USH2A: variants seen among roughly 807,000 people sequenced by gnomAD.
USH2A encodes usherin.
In USH2A, 443 loss-of-function variants were observed where a neutral mutation model predicts 538.9. That is an observed-to-expected ratio of 0.82 (90% CI 0.76 to 0.89). The LOEUF (loss-of-function observed/expected upper bound fraction) is 0.89, where lower values mean the gene tolerates loss of function less well. Among genes scored for constraint, USH2A ranks in the 40% least tolerant of loss-of-function variants. The pLI is 0.00. For missense variants in USH2A, 6,633 were observed against 6,324.8 expected (o/e 1.05, Z -1.65); for synonymous variants, 2,413 against 2,273.5 (o/e 1.06, Z -1.75).
At chr1:215,764,902 T>C (rs72740660) in intron 56 of USH2A, among the ~76,000 whole-genome samples, 4,401 of 152,070 alleles carry the variant, frequency 0.029, 102 homozygotes, top group Non-Finnish European at 0.046. Context: ...TCCATGTTTC[T>C]TCTGCAGAGG....
chr1:216,030,334 T>A (rs960585931), intron 32 of USH2A, among the ~76,000 whole-genome samples: 4 of 136,620 alleles, frequency 2.9e-5, no homozygotes, highest in South Asian at 2.3e-4. Context: ...ATAATATATA[T>A]GATATATAGA....
At chr1:215,763,841 G>C (rs1461475526) in intron 56 of USH2A, among the ~76,000 whole-genome samples, 1 of 151,892 alleles carries the variant, frequency 6.6e-6, no homozygotes, top group Non-Finnish European at 1.5e-5. Flanking sequence ...GTGTTAAAAG[G>C]GACGGGAAAG....
At chr1:216,144,645 G>A (rs1192198157) in intron 21 of USH2A, among the ~76,000 whole-genome samples, 1 of 152,076 alleles carries the variant, frequency 6.6e-6, no homozygotes, top group Non-Finnish European at 1.5e-5. Flanking sequence ...AAATCTAACT[G>A]CCTATATTCA....
At chr1:216,215,199 C>T (rs958480849) in intron 15 of USH2A, among the ~76,000 whole-genome samples, 10 of 152,130 alleles carry the variant, frequency 6.6e-5, no homozygotes, top group East Asian at 3.9e-4. Flanking sequence ...TTGCTAGTGG[C>T]CCCTAGAAGA....
At chr1:216,345,272 G>C (rs1237557630) in intron 4 of USH2A, among the ~76,000 whole-genome samples, 3 of 152,012 alleles carry the variant, frequency 2.0e-5, no homozygotes, top group African/African-American at 4.8e-5. Flanking sequence ...ATGATGACAG[G>C]GTCCAACCAG....
At chr1:215,946,864 C>T (rs1047027584) in intron 37 of USH2A, among the ~76,000 whole-genome samples, 20 of 152,038 alleles carry the variant, frequency 1.3e-4, no homozygotes, top group African/African-American at 4.8e-4. Context: ...AAACTTATGA[C>T]ATCTAAATGC....
In USH2A at chr1:216,070,260, G is replaced by A. The variant is rs148049006; in HGVS notation, c.5890C>T (p.Arg1964Cys). The change falls in exon 30 of 72, where the codon CGC becomes TGC. Residue 1964 changes from arginine (R) to cysteine (C), a missense_variant. Coordinates refer to ENST00000307340, the MANE Select transcript of USH2A (RefSeq NM_206933.4). The stretch of plus-strand genomic sequence containing the variant: ...TCAATGCTGTATCCATTTAAGCTGC[G>A]GACTCTTGAGGGAGTTGGCACACTT... The part of the protein sequence containing the change: ...PQSVPTPSRV[R>C]SLNGYSIEVT... 2.3e-5 allele frequency: 37 copies of A among 1,613,864 alleles called. No homozygotes were observed. The African/African-American group carries it at 3.1e-4, about 13-fold the overall frequency.
At chr1:215,987,395 A>G (rs666054) in intron 35 of USH2A, among the ~76,000 whole-genome samples, 107,997 of 152,100 alleles carry the variant, frequency 0.71, 38,456 homozygotes, top group East Asian at 0.91. Context: ...GGGTTCCTAT[A>G]GACCTTGGAC....
At position 215,728,237 on chromosome 1, in the gene USH2A, A is replaced by G. The variant is rs141941454; in HGVS notation, c.11859T>C (p.Ser3953=). ...RACNSKGSVE[S]LWSLTQTLEA... ...CCAGAGTTTGTGTTAATGACCACAG[A>G]CTCTCCACTGAACCCTTGGAGTTAC... The change falls in exon 61 of 72, where the codon AGT becomes AGC. Residue 3953 remains serine (S), a synonymous_variant. Transcript: ENST00000307340. The G allele has an allele frequency of 1.5e-4, 243 of 1,613,782 alleles. No individual in the cohort carries two copies. The highest frequency in any genetic ancestry group is 1.9e-4 in the Non-Finnish European group (223 of 1,179,998).
chr1:215,929,791 G>C (rs1255572755), intron 38 of USH2A, among the ~76,000 whole-genome samples: 1 of 152,038 alleles, frequency 6.6e-6, no homozygotes, highest in Non-Finnish European at 1.5e-5. Context: ...CACTCAAGCA[G>C]TGAGTGAAAG....
chr1:216,350,711 G>T (rs181854516), intron 4 of USH2A, among the ~76,000 whole-genome samples: 24 of 152,230 alleles, frequency 1.6e-4, no homozygotes, highest in Admixed American at 2.6e-4. Context: ...AGCTCCAGTG[G>T]CTGCTCTCAT....
At chr1:215,630,285 C>T (rs866309336) in intron 70 of USH2A, 1 of 456,622 alleles carries the variant, frequency 2.2e-6, no homozygotes, top group Middle Eastern at 3.2e-4. Flanking sequence ...CAGCATCAGT[C>T]CATGTTTGGA....
At chr1:216,342,459 C>T (rs2038093780) in intron 4 of USH2A, among the ~76,000 whole-genome samples, 1 of 152,088 alleles carries the variant, frequency 6.6e-6, no homozygotes. Context: ...ACCAGAAATA[C>T]TATTTGACCC....
At position 216,297,268 on chromosome 1, in the gene USH2A, C is replaced by T. The variant is rs184188411; in HGVS notation, c.1645-4898G>A. On this transcript the variant is annotated intron_variant, in intron 9 of 71. Coordinates refer to ENST00000307340, the MANE Select transcript of USH2A (RefSeq NM_206933.4). ...TGTCACACAGTTGGCCCTCAGCAAA[C>T]TTGCCTACTACTTTGATCGTTATTG... is the stretch of plus-strand genomic sequence containing the variant. Among the ~76,000 whole-genome samples, 7 of 152,138 alleles carry T rather than the reference C, an allele frequency of 4.6e-5. No homozygotes were observed. The East Asian group carries it at 1.4e-3, about 29-fold the overall frequency.
chr1:216,222,324 A>T (rs1030500251), intron 14 of USH2A, among the ~76,000 whole-genome samples: 2 of 152,176 alleles, frequency 1.3e-5, no homozygotes, highest in African/African-American at 4.8e-5. Context: ...TATGTAAAGA[A>T]TTAACATTGG....
At chr1:216,057,433 A>T (rs940645945) in intron 30 of USH2A, among the ~76,000 whole-genome samples, 3 of 152,192 alleles carry the variant, frequency 2.0e-5, no homozygotes, top group Admixed American at 1.3e-4. Flanking sequence ...AAGCAGGTGG[A>T]TCACCTGAGG....
At chr1:216,267,189 A>C (rs1312074031) in intron 11 of USH2A, among the ~76,000 whole-genome samples, 1 of 152,114 alleles carries the variant, frequency 6.6e-6, no homozygotes, top group East Asian at 1.9e-4. Flanking sequence ...GAGAATGTGG[A>C]GTCCTCTAAA....
rs2032217575 is a variant in USH2A, at chr1:216,088,994, C to T, written c.4885+19G>A. On this transcript the variant is annotated intron_variant, in intron 23 of 71. Coordinates refer to ENST00000307340, the MANE Select transcript of USH2A (RefSeq NM_206933.4). ...CAACATATCAACAGGGCTATTTATA[C>T]ATATCAAAAAGTACTTACCTGTATA... 6.2e-7 allele frequency: 1 copy of T among 1,612,756 alleles called. No homozygotes were observed. The highest frequency in any genetic ancestry group is 1.3e-5 in the African/African-American group (1 of 74,828).
At chr1:216,252,047 T>A (rs1476983784) in intron 11 of USH2A, among the ~76,000 whole-genome samples, 1 of 152,218 alleles carries the variant, frequency 6.6e-6, no homozygotes, top group Non-Finnish European at 1.5e-5. Flanking sequence ...AAATGTTTCT[T>A]GTTTTAAAGC....
Sources: allele counts gnomAD v4.1 joint callset (sites outside exome capture counted in the v4.1 genomes callset), GRCh38; gene constraint gnomAD v4.1.1; transcripts MANE v1.5; gene names NCBI Gene and HGNC (gene_info 2026-07-23, HGNC 2026-07-21).